NRG3: variants seen among roughly 807,000 people sequenced by gnomAD.
NRG3 encodes the protein neuregulin 3.
A neutral mutation model predicts 66.9 loss-of-function variants in NRG3; 31 were observed. The ratio of observed to expected loss-of-function variants is 0.46; its 90% CI spans 0.35 to 0.63. The LOEUF is 0.63. NRG3 is among the 20% of genes least tolerant of loss of function. The probability of loss-of-function intolerance (pLI) is 0.00; values close to 1 mark genes in which losing one functional copy is unlikely to be tolerated. For missense variants in NRG3, 910 were observed against 878.9 expected, an observed-to-expected ratio of 1.04 and a Z score of -0.45; for synonymous variants, 393 against 359.4, an observed-to-expected ratio of 1.09 and a Z score of -1.06.
chr10:82,187,001 C>G (rs1028061167), intron 1 of NRG3, among the ~76,000 whole-genome samples: 9 of 152,162 alleles, frequency 5.9e-5, no homozygotes, highest in African/African-American at 2.2e-4. Context: ...ATCTTACTTT[C>G]CACTAGAATA....
At chr10:82,555,105 A>G (rs1347330023) in intron 2 of NRG3, among the ~76,000 whole-genome samples, 1 of 152,180 alleles carries the variant, frequency 6.6e-6, no homozygotes, top group Non-Finnish European at 1.5e-5. Flanking sequence ...TATTTAGAGG[A>G]GATATTGTGA....
At chr10:82,603,170 C>T (rs943445305) in intron 2 of NRG3, among the ~76,000 whole-genome samples, 3 of 152,112 alleles carry the variant, frequency 2.0e-5, no homozygotes, top group Admixed American at 2.0e-4. Flanking sequence ...AGAGGGAAAG[C>T]ATTGGTGCAA....
At chr10:81,985,762 T>C (rs549602904) in intron 1 of NRG3, among the ~76,000 whole-genome samples, 1 of 152,364 alleles carries the variant, frequency 6.6e-6, no homozygotes, top group South Asian at 2.1e-4. Flanking sequence ...TTGTGTCATA[T>C]AGCATGAATC....
intron 1 of NRG3, among the ~76,000 whole-genome samples, chr10:81,962,353 C>T (rs1039259839): frequency 1.3e-5 from 2 of 152,124 alleles, no homozygotes; most frequent in African/African-American, 4.8e-5. Flanking sequence ...CTTGCTACCA[C>T]CATTGCATGA....
intron 1 of NRG3, among the ~76,000 whole-genome samples, chr10:82,357,239 T>C (rs995914456): frequency 6.6e-5 from 10 of 152,180 alleles, no homozygotes; most frequent in Non-Finnish European, 1.3e-4. Context: ...GATAAACATA[T>C]AGATGGCCCA....
chr10:82,532,512 T>TAG (rs1847372320), intron 2 of NRG3, among the ~76,000 whole-genome samples: 1 of 147,608 alleles, frequency 6.8e-6, no homozygotes. Context: ...TATACATCTA[T>TAG]ATGTATATAG....
chr10:81,947,000 C>T (rs548925281), intron 1 of NRG3, among the ~76,000 whole-genome samples: 2 of 152,166 alleles, frequency 1.3e-5, no homozygotes, highest in Non-Finnish European at 2.9e-5. Flanking sequence ...TGTATTGTCT[C>T]ATCATTCTGG....
intron 1 of NRG3, among the ~76,000 whole-genome samples, chr10:82,171,217 C>T (rs1361877748): frequency 1.3e-5 from 2 of 151,992 alleles, no homozygotes; most frequent in Non-Finnish European, 2.9e-5. Context: ...AGTAGAGACG[C>T]ATCAAATCAA....
chr10:82,041,876 A>G (rs1488722848), intron 1 of NRG3, among the ~76,000 whole-genome samples: 1 of 151,934 alleles, frequency 6.6e-6, no homozygotes, highest in Admixed American at 6.6e-5. Context: ...CCAACAACCA[A>G]AGTCAGAGTT....
intron 1 of NRG3, among the ~76,000 whole-genome samples, chr10:82,251,401 C>G (rs948114106): frequency 1.3e-5 from 2 of 152,192 alleles, no homozygotes; most frequent in Admixed American, 6.5e-5. Context: ...AGCTCCTCAT[C>G]TACAGTGGCC....
intron 3 of NRG3, among the ~76,000 whole-genome samples, chr10:82,836,907 A>G (rs112098670): frequency 6.6e-6 from 1 of 151,912 alleles, no homozygotes; most frequent in African/African-American, 2.4e-5. Context: ...CGCACCCTAC[A>G]ACAGGTCCCA....
chr10:82,925,407 T>G (rs1591980122), intron 4 of NRG3, among the ~76,000 whole-genome samples: 1 of 152,232 alleles, frequency 6.6e-6, no homozygotes, highest in East Asian at 1.9e-4. Flanking sequence ...CAACTGGGGT[T>G]AATAATGGTC....
chr10:82,697,341 C>T (rs922470721), intron 2 of NRG3, among the ~76,000 whole-genome samples: 4 of 152,122 alleles, frequency 2.6e-5, no homozygotes, highest in Non-Finnish European at 5.9e-5. Context: ...AAGTGGCTGT[C>T]AAACTGAAGA....
intron 1 of NRG3, among the ~76,000 whole-genome samples, chr10:81,904,514 C>T (rs953354872): frequency 3.3e-5 from 5 of 151,954 alleles, no homozygotes; most frequent in African/African-American, 7.3e-5. Context: ...TTCCAGATGG[C>T]GCTAATCATT....
intron 2 of NRG3, among the ~76,000 whole-genome samples, chr10:82,568,439 G>A (rs1316054401): frequency 6.6e-6 from 1 of 151,842 alleles, no homozygotes; most frequent in East Asian, 1.9e-4. Context: ...ACAAAAATTA[G>A]TTTATTCTAG....
At chr10:82,850,488 C>G (rs1036458570) in intron 3 of NRG3, among the ~76,000 whole-genome samples, 1 of 151,250 alleles carries the variant, frequency 6.6e-6, no homozygotes, top group Admixed American at 6.6e-5. Context: ...GATTCACCAT[C>G]CATCTGTCAA....
intron 4 of NRG3, among the ~76,000 whole-genome samples, chr10:82,868,017 A>G (rs1240836361): frequency 6.6e-6 from 1 of 152,176 alleles, no homozygotes; most frequent in Non-Finnish European, 1.5e-5. Flanking sequence ...GTGAGGCTTT[A>G]TAAGTTGTTC....
chr10:82,477,965 A>G (rs925589625), intron 2 of NRG3, among the ~76,000 whole-genome samples: 2 of 152,156 alleles, frequency 1.3e-5, no homozygotes, highest in Non-Finnish European at 2.9e-5. Flanking sequence ...GGAAAACGGG[A>G]CTACTCTGTG....
At chr10:81,955,088 A>G (rs904126108) in intron 1 of NRG3, among the ~76,000 whole-genome samples, 2 of 149,596 alleles carry the variant, frequency 1.3e-5, no homozygotes, top group Non-Finnish European at 3.0e-5. Flanking sequence ...TATACCTGTT[A>G]TAAAATATAT....
Sources: allele counts gnomAD v4.1 joint callset (sites outside exome capture counted in the v4.1 genomes callset), GRCh38; gene constraint gnomAD v4.1.1; transcripts MANE v1.5; gene names NCBI Gene and HGNC (gene_info 2026-07-23, HGNC 2026-07-21).